OR14A2: variants seen among roughly 807,000 people sequenced by gnomAD.
The protein encoded by OR14A2 is olfactory receptor 14A2.
For missense variants in OR14A2, 237 were observed against 152.9 expected, an observed-to-expected ratio of 1.55 and a Z score of -2.90; for synonymous variants, 114 against 58.6, an observed-to-expected ratio of 1.95 and a Z score of -4.32.
the OR14A2 span, among the ~76,000 whole-genome samples, chr1:247,732,954 G>A: frequency 4.3e-4 from 66 of 152,176 alleles, no homozygotes; most frequent in East Asian, 0.013. Context: ...GGCATGCTAT[G>A]GTTACTTTTC....
At chr1:247,735,475 C>T in the OR14A2 span, among the ~76,000 whole-genome samples, 1 of 152,186 alleles carries the variant, frequency 6.6e-6, no homozygotes, top group African/African-American at 2.4e-5. Context: ...ATCTCCTTTT[C>T]TGACTCACTG....
chr1:247,738,244 G>T, the OR14A2 span, among the ~76,000 whole-genome samples: 2 of 152,042 alleles, frequency 1.3e-5, no homozygotes, highest in Non-Finnish European at 2.9e-5. Flanking sequence ...TACATTAACC[G>T]GGATATTTAT....
At chr1:247,723,240 A>G in exon 1 of OR14A2, 1 of 717,758 alleles carries the variant, frequency 1.4e-6, no homozygotes, top group Non-Finnish European at 2.6e-6. Flanking sequence ...GCAGCCTGTC[A>G]ATAACAGATG....
At chr1:247,732,622 A>G in the OR14A2 span, among the ~76,000 whole-genome samples, 1 of 152,154 alleles carries the variant, frequency 6.6e-6, no homozygotes, top group Non-Finnish European at 1.5e-5. Context: ...TGATTTGAAA[A>G]GTTATGTGCA....
At chr1:247,736,323 T>A in the OR14A2 span, among the ~76,000 whole-genome samples, 1 of 152,142 alleles carries the variant, frequency 6.6e-6, no homozygotes, top group Non-Finnish European at 1.5e-5. Context: ...CCTTCTTAGA[T>A]ACCCCTTGAT....
chr1:247,728,583 G>T (rs945194041), upstream of OR14A2, among the ~76,000 whole-genome samples: 2 of 152,028 alleles, frequency 1.3e-5, no homozygotes, highest in African/African-American at 4.8e-5. Context: ...GGGCATTTAG[G>T]CAGGAGAAGG....
chr1:247,730,785 G>A, the OR14A2 span, among the ~76,000 whole-genome samples: 2 of 152,066 alleles, frequency 1.3e-5, no homozygotes, highest in African/African-American at 4.8e-5. Flanking sequence ...GGAGAAGGTT[G>A]CTATCCCAGC....
the OR14A2 span, among the ~76,000 whole-genome samples, chr1:247,741,732 A>G: frequency 1.3e-5 from 2 of 152,192 alleles, no homozygotes. Context: ...AATTGTCTTG[A>G]ATCTATTGGT....
the OR14A2 span, among the ~76,000 whole-genome samples, chr1:247,736,662 C>T: frequency 3.3e-5 from 5 of 152,046 alleles, no homozygotes; most frequent in South Asian, 1.0e-3. Context: ...ACTCACTGAG[C>T]TACCCTGGCT....
chr1:247,745,362 G>C, the OR14A2 span, among the ~76,000 whole-genome samples: 4 of 149,508 alleles, frequency 2.7e-5, no homozygotes, highest in African/African-American at 7.4e-5. Context: ...GCTGAGTGAA[G>C]GGGTTAAAAA....
chr1:247,739,340 C>A, the OR14A2 span: 1 of 780,674 alleles, frequency 1.3e-6, no homozygotes, highest in Non-Finnish European at 2.4e-6. Flanking sequence ...GTGTGCCTCA[C>A]CTCATTGTTG....
rs1449010188 is a variant in OR14A2 at position 247,723,931 on chromosome 1, AT to A, written c.112del (p.Met38Ter). On this transcript the variant is annotated frameshift_variant, in exon 1 of 1. Transcript: ENST00000366485. LOFTEE classifies it low-confidence loss of function (END_TRUNC). ...GAGAGTAATGATGAGAAGGTTACTC[AT>A]TAGGGCTGCCAGGTAAATCAGTAGG... is the stretch of plus-strand genomic sequence containing the variant. 6 of 717,070 alleles carry A rather than the reference AT, an allele frequency of 8.4e-6. No homozygotes were observed. The highest frequency in any genetic ancestry group is 1.3e-5 in the Non-Finnish European group (5 of 385,004). The allele number at this position is 717,070 out of a possible 1,614,324, so 44.4% of individuals were successfully genotyped here.
At chr1:247,738,811 T>C in the OR14A2 span, 1 of 780,722 alleles carries the variant, frequency 1.3e-6, no homozygotes, top group Non-Finnish European at 2.4e-6. Flanking sequence ...CATTTGTCCT[T>C]CTTAGACCTG....
chr1:247,740,292 T>A, the OR14A2 span, among the ~76,000 whole-genome samples: 2 of 152,220 alleles, frequency 1.3e-5, no homozygotes, highest in African/African-American at 4.8e-5. Context: ...TTCAACGTTC[T>A]TTATAGCTTC....
the OR14A2 span, among the ~76,000 whole-genome samples, chr1:247,744,880 A>G: frequency 6.6e-6 from 1 of 152,166 alleles, no homozygotes; most frequent in African/African-American, 2.4e-5. The surrounding 1 kb of genome is among the most constrained non-coding windows in gnomAD (Gnocchi z 4.3). Context: ...AAATCAGGAA[A>G]GGGGAGATTA....
At chr1:247,723,074 G>C (rs182999444), downstream of OR14A2, 11 of 690,724 alleles carry the variant, frequency 1.6e-5, no homozygotes, top group Admixed American at 2.3e-4. Flanking sequence ...GTAAGGCACT[G>C]TATCACTGAC....
At chr1:247,745,969 C>T in the OR14A2 span, among the ~76,000 whole-genome samples, 1 of 152,130 alleles carries the variant, frequency 6.6e-6, no homozygotes, top group African/African-American at 2.4e-5. Context: ...GTTCTACTCC[C>T]AGGATATTTA....
At chr1:247,731,353 C>T in the OR14A2 span, among the ~76,000 whole-genome samples, 1 of 151,798 alleles carries the variant, frequency 6.6e-6, no homozygotes, top group African/African-American at 2.4e-5. Flanking sequence ...AGTATTTTTT[C>T]CCTTTATGTA....
chr1:247,740,902 C>G, the OR14A2 span, among the ~76,000 whole-genome samples: 2 of 152,186 alleles, frequency 1.3e-5, no homozygotes, highest in Admixed American at 6.5e-5. Flanking sequence ...GACTGAGCAT[C>G]TTTTTGTTTA....
Sources: gnomAD v4.1 joint callset for allele counts (sites outside exome capture counted in the v4.1 genomes callset) on GRCh38, gnomAD v4.1.1 for gene constraint, Gnocchi (gnomAD v3.1) non-coding constraint, MANE v1.5 for transcripts, NCBI Gene and HGNC (gene_info 2026-07-23, HGNC 2026-07-21) for gene names.